Variants in POLR2B observed in about 807,000 individuals in gnomAD.
POLR2B encodes the protein RNA polymerase II subunit B, also known as DNA-directed RNA polymerase II subunit RPB2.
Under a neutral mutation model 144.6 loss-of-function variants are expected in POLR2B, and 57 were observed. That is an observed-to-expected ratio of 0.39 (90% CI 0.32 to 0.49). The LOEUF is 0.49. POLR2B is among the 20% of genes least tolerant of loss of function. The probability of loss-of-function intolerance (pLI) is 0.83; values close to 1 mark genes in which losing one functional copy is unlikely to be tolerated. For synonymous variants in POLR2B, 442 were observed against 469.8 expected (o/e 0.94, Z 0.77); for missense variants, 595 against 1,467.4 (o/e 0.41, Z 9.71).
rs1723908679 is a variant in POLR2B at position 57,031,135 on chromosome 4, T to C, written c.*147T>C. On this transcript the variant is annotated 3_prime_UTR_variant, in exon 25 of 25. Coordinates refer to ENST00000314595, the MANE Select transcript of POLR2B (RefSeq NM_000938.3). ...TATGCATGCTTTTCTTCTGTAAATA[T>C]ATAATAAATTTTTGTAGATAGTCTT... 4.2e-6 allele frequency: 3 copies of C among 710,742 alleles called. No individual in the cohort carries two copies. The highest frequency in any genetic ancestry group is 4.8e-6 in the Non-Finnish European group (2 of 412,884). The allele number at this position is 710,742 out of a possible 1,614,324, so 44.0% of individuals were successfully genotyped here. A position where few individuals can be genotyped will look rare whatever the true frequency, so the allele number is the denominator to read the frequency against.
chr4:57,021,997 A>T (rs1723568384), intron 17 of POLR2B, among the ~76,000 whole-genome samples, 155 bp from the exon 18 acceptor site: 1 of 152,246 alleles, frequency 6.6e-6, no homozygotes, highest in Non-Finnish European at 1.5e-5. Flanking sequence ...GATAACATTT[A>T]GAGTTTAACT....
At position 57,023,196 on chromosome 4, in the gene POLR2B, A is replaced by C. The variant is rs1723608097; in HGVS notation, c.2516-134A>C. 2.7e-6 allele frequency: 2 copies of C among 754,046 alleles called. No individual in the cohort carries two copies. 46.7% of individuals were successfully genotyped at this position (754,046 alleles called of 1,614,324 possible). ...AGTATTAGAGTTCAGAATAGTTTGT[A>C]ATATTTGGAATAAGGGTGTGATTCA... On this transcript the variant is annotated intron_variant, in intron 18 of 24. Coordinates refer to ENST00000314595, the MANE Select transcript of POLR2B (RefSeq NM_000938.3). This position sits in a 1 kb window ranked among gnomAD's most constrained non-coding sequence, Gnocchi z 4.3.
At chr4:56,985,600 C>T (rs986318206) in intron 1 of POLR2B, 3 of 421,494 alleles carry the variant, frequency 7.1e-6, no homozygotes, top group Non-Finnish European at 6.4e-6. Flanking sequence ...CAGGGTTTTG[C>T]CATATTGGCC....
chr4:57,008,855 A>G (rs553936377), intron 10 of POLR2B, among the ~76,000 whole-genome samples: 11 of 152,312 alleles, frequency 7.2e-5, no homozygotes, highest in African/African-American at 2.6e-4. Context: ...ATTAAAAGAG[A>G]TGGAGGCAGG....
intron 1 of POLR2B, chr4:56,985,269 C>T (rs1469122225): frequency 4.3e-6 from 4 of 939,292 alleles, no homozygotes; most frequent in African/African-American, 1.8e-5. Context: ...GAGTCTCGCT[C>T]TGTGGCCCAG....
chr4:56,998,122 C>T (rs916527604), intron 6 of POLR2B, among the ~76,000 whole-genome samples: 5 of 152,016 alleles, frequency 3.3e-5, no homozygotes. Context: ...TCCAGGAGAG[C>T]GGTGAACTTC....
chr4:57,007,044 G>A, intron 10 of POLR2B, 42 bp downstream of exon 10: 2 of 1,316,890 alleles, frequency 1.5e-6, no homozygotes, highest in Non-Finnish European at 2.2e-6. Context: ...TAGGAAACAT[G>A]TTTATAGGAC....
rs869299001 is a variant in POLR2B, at chr4:56,996,278, A to ATTTT, written c.735+887_735+890dup. On this transcript the variant is annotated intron_variant, in intron 6 of 24. Transcript: ENST00000314595. ...TGTGTGTGTGTATATATATATATAT[A>ATTTT]TTTTTTTTTTTTTTTTTTTTTGAGA... Among the ~76,000 whole-genome samples, 84 of 59,732 alleles carry ATTTT rather than the reference A, an allele frequency of 1.4e-3. 3 individuals carry two copies. Among genetic ancestry groups the ATTTT allele is most frequent in the South Asian group, 3.2e-3 (4 of 1,240 alleles). The allele number at this position is 59,732 out of a possible 152,430, so 39.2% of individuals were successfully genotyped here.
chr4:57,030,028 C>T (rs1454380819), intron 23 of POLR2B, among the ~76,000 whole-genome samples, 176 bp from the exon 24 acceptor site: 4 of 152,112 alleles, frequency 2.6e-5, no homozygotes, highest in African/African-American at 9.7e-5. Flanking sequence ...CTTTCTAATG[C>T]ACGTCAAATA....
chr4:56,994,454 T>C lies in POLR2B; in HGVS notation c.294T>C (p.His98=). 6.2e-7 allele frequency: 1 copy of C among 1,610,222 alleles called. No individual in the cohort carries two copies. Among genetic ancestry groups the C allele is most frequent in the Non-Finnish European group, 8.5e-7 (1 of 1,176,572 alleles). The change falls in exon 4 of 25, where the codon CAT becomes CAC. Residue 98 remains histidine (H), a synonymous_variant. Transcript: ENST00000314595. ...FEQIYLSKPT[H]WERDGAPSPM... Reference sequence around the variant, plus strand: ...AAATTTATCTTTCCAAGCCTACCCATTGGGAAAGAGATGGTGCTCCTTCAC... The same window carrying C: ...AAATTTATCTTTCCAAGCCTACCCACTGGGAAAGAGATGGTGCTCCTTCAC...
chr4:56,978,996 C>A lies in POLR2B; in HGVS notation c.11C>A (p.Ala4Glu), dbSNP rs1183893706. The change falls in exon 1 of 25, where the codon GCG (alanine) becomes GAG (glutamate). Residue 4 changes from alanine to glutamate, a missense_variant. Around this residue, in one of 9 missense-constraint regions of POLR2B, gnomAD observed 25 missense variants for 26.1 expected, o/e 0.96. Coordinates refer to ENST00000314595, the MANE Select transcript of POLR2B (RefSeq NM_000938.3). MYD[A>E]DEDMQYDEDD... ...GAACCGTTTGGCAATATGTACGACG[C>A]GGATGAGGGTAGGTGAACGCTCAAA... The A allele has an allele frequency of 6.2e-7, 1 of 1,613,758 alleles. No homozygotes were observed. Among genetic ancestry groups the A allele is most frequent in the East Asian group, 2.2e-5 (1 of 44,880 alleles).
chr4:57,013,254 G>A (rs1199430238), intron 13 of POLR2B, among the ~76,000 whole-genome samples: 1 of 151,938 alleles, frequency 6.6e-6, no homozygotes, highest in African/African-American at 2.4e-5. Flanking sequence ...TGGGATAACA[G>A]GTGTGAGCCA....
chr4:56,986,463 A>C (rs1722337216), intron 2 of POLR2B, 37 bp downstream of exon 2: 1 of 1,272,282 alleles, frequency 7.9e-7, no homozygotes, highest in Non-Finnish European at 1.1e-6. Context: ...CTGAAAAGGC[A>C]CTTTAGATTT....
chr4:56,981,629 C>T (rs1612278), intron 1 of POLR2B, among the ~76,000 whole-genome samples: 151,943 of 152,354 alleles, frequency 1, 75,770 homozygotes, highest in Middle Eastern at 1. Context: ...TATTAGATAA[C>T]GTCCTCATCA....
intron 23 of POLR2B, among the ~76,000 whole-genome samples, chr4:57,026,257 T>G (rs1723716217): frequency 6.6e-6 from 1 of 151,478 alleles, no homozygotes; most frequent in African/African-American, 2.4e-5. Context: ...AACAAAAAAT[T>G]TTGTAGAGAC....
intron 13 of POLR2B, among the ~76,000 whole-genome samples, chr4:57,014,682 T>G (rs1490031331): frequency 6.6e-6 from 1 of 151,316 alleles, no homozygotes; most frequent in Non-Finnish European, 1.5e-5. Context: ...TTTTTTGTAT[T>G]TTTAGTAGAG....
intron 1 of POLR2B, among the ~76,000 whole-genome samples, chr4:56,983,125 A>G (rs928713474): frequency 1.3e-5 from 2 of 152,054 alleles, no homozygotes; most frequent in African/African-American, 4.8e-5. Flanking sequence ...CCTAGCCACA[A>G]CCCTGCTAAA....
At chr4:56,979,114 C>T (rs1203397941) in intron 1 of POLR2B, 110 bp downstream of exon 1, 1 of 1,140,282 alleles carries the variant, frequency 8.8e-7, no homozygotes, top group Admixed American at 1.7e-5. Flanking sequence ...CTGCACAGTC[C>T]CCAGCCTTGT....
At chr4:56,999,934 C>G (rs1722802546) in intron 7 of POLR2B, among the ~76,000 whole-genome samples, 153 bp downstream of exon 7, 1 of 152,186 alleles carries the variant, frequency 6.6e-6, no homozygotes, top group Non-Finnish European at 1.5e-5. Flanking sequence ...AAGCTTTCAG[C>G]CCTGCCTGGG....
Sources: gnomAD v4.1 joint callset for allele counts (sites outside exome capture counted in the v4.1 genomes callset) on GRCh38, gnomAD v4.1.1 for gene constraint, gnomAD v4.1.1 regional missense constraint, Gnocchi (gnomAD v3.1) non-coding constraint, MANE v1.5 for transcripts, NCBI Gene and HGNC (gene_info 2026-07-23, HGNC 2026-07-21) for gene names.